Variants in MYO16 observed in about 807,000 individuals in gnomAD.
MYO16 encodes unconventional myosin-XVI.
A neutral mutation model predicts 205.3 loss-of-function variants in MYO16; 94 were observed. The ratio of observed to expected loss-of-function variants is 0.46; its 90% CI spans 0.39 to 0.54. MYO16 has a LOEUF of 0.54. Ranked by LOEUF, MYO16 falls within the 20% of genes least tolerant of loss-of-function variation. The pLI is 0.00. For missense variants in MYO16, 2,315 were observed against 2,387.5 expected, an observed-to-expected ratio of 0.97 and a Z score of 0.63; for synonymous variants, 988 against 954.0, an observed-to-expected ratio of 1.04 and a Z score of -0.66.
chr13:109,107,810 C>CATATTATATT (rs3042873), intron 28 of MYO16, among the ~76,000 whole-genome samples: 52,383 of 141,136 alleles, frequency 0.37, 10,010 homozygotes, highest in Middle Eastern at 0.44. Flanking sequence ...CATATATATT[C>CATATTATATT]ATATTATATT....
intron 31 of MYO16, among the ~76,000 whole-genome samples, chr13:109,131,609 G>A (rs899776228): frequency 6.6e-5 from 10 of 152,160 alleles, no homozygotes; most frequent in African/African-American, 2.4e-4. Context: ...GTGCCATGTT[G>A]CTGAGACAAC....
At chr13:108,991,381 G>T (rs74617624) in intron 20 of MYO16, among the ~76,000 whole-genome samples, 1 of 152,266 alleles carries the variant, frequency 6.6e-6, no homozygotes, top group South Asian at 2.1e-4. Flanking sequence ...TGAAAAAAAA[G>T]ATTGATTTCT....
chr13:109,082,354 G>C (rs1367164238), intron 27 of MYO16, among the ~76,000 whole-genome samples: 1 of 152,160 alleles, frequency 6.6e-6, no homozygotes, highest in Non-Finnish European at 1.5e-5. Context: ...TACGATGGTA[G>C]CTGAAGTTAA....
At chr13:109,202,369 A>T (rs1378073565) in intron 34 of MYO16, among the ~76,000 whole-genome samples, 2 of 151,888 alleles carry the variant, frequency 1.3e-5, no homozygotes, top group African/African-American at 4.8e-5. Flanking sequence ...AACATTTATT[A>T]TTTTCTGATT....
intron 3 of MYO16, among the ~76,000 whole-genome samples, chr13:108,718,211 A>G (rs1316021498): frequency 6.6e-6 from 1 of 152,148 alleles, no homozygotes; most frequent in Non-Finnish European, 1.5e-5. Context: ...CTAGAGAAAT[A>G]TCTTATTTTT....
At chr13:108,649,904 C>T (rs897116848) in intron 1 of MYO16, among the ~76,000 whole-genome samples, 13 of 151,974 alleles carry the variant, frequency 8.6e-5, no homozygotes, top group South Asian at 2.1e-4. Context: ...TAATAAAAAG[C>T]GGAATGAAAA....
chr13:108,959,648 G>A (rs1883506834), intron 17 of MYO16, among the ~76,000 whole-genome samples: 1 of 152,138 alleles, frequency 6.6e-6, no homozygotes. Flanking sequence ...GGTATTTCTG[G>A]GCCAGTGAAG....
At chr13:108,500,518 A>G in the MYO16 span, among the ~76,000 whole-genome samples, 31 of 151,664 alleles carry the variant, frequency 2.0e-4, no homozygotes, top group Admixed American at 5.3e-4. Context: ...ATGAGCCACC[A>G]CGCCCGGACT....
rs546865524 is a variant in MYO16, at chr13:108,651,373, C to T, written c.29-14513C>T. ...CTTCAGTTTTATTATTACCCTGAAA[C>T]GAACCCTAGAAAGAATTATGACTGT... On this transcript the variant is annotated intron_variant, in intron 1 of 34. Coordinates refer to ENST00000457511, the MANE Select transcript of MYO16 (RefSeq NM_001198950.3). Among the ~76,000 whole-genome samples, 431 of 152,256 alleles carry T rather than the reference C, an allele frequency of 2.8e-3. 1 individual carries two copies. Among genetic ancestry groups the T allele is most frequent in the Non-Finnish European group, 4.0e-3 (273 of 68,014 alleles).
the MYO16 span, among the ~76,000 whole-genome samples, chr13:108,533,094 C>T: frequency 2.7e-3 from 405 of 152,250 alleles, 3 homozygotes; most frequent in African/African-American, 9.0e-3. Context: ...AGCATGGTTA[C>T]TGGTGAAACT....
intron 32 of MYO16, among the ~76,000 whole-genome samples, chr13:109,159,057 T>C (rs1407869684): frequency 6.6e-6 from 1 of 152,222 alleles, no homozygotes; most frequent in Non-Finnish European, 1.5e-5. Context: ...CAATGTAAAG[T>C]ACAATTTTAA....
rs535520687 is a variant in MYO16 at position 108,961,674 on chromosome 13, T to C, written c.2155+18T>C. 1.7e-4 allele frequency: 267 copies of C among 1,576,700 alleles called. 3 individuals carry two copies. In the South Asian group the frequency reaches 2.8e-3, roughly 17 times the overall value. On this transcript the variant is annotated intron_variant, in intron 18 of 34. Transcript: ENST00000457511. The stretch of plus-strand genomic sequence containing the variant: ...GGAACAAGGTCAGTGGAACATGACC[T>C]TCTGACATTAACCACATTGATGTGC...
intron 4 of MYO16, among the ~76,000 whole-genome samples, chr13:108,743,103 T>C (rs1884958585): frequency 6.6e-6 from 1 of 152,232 alleles, no homozygotes; most frequent in Non-Finnish European, 1.5e-5. Context: ...TTTCAAACCA[T>C]AAGAAACAAA....
At chr13:108,740,335 G>A (rs1884863613) in intron 4 of MYO16, among the ~76,000 whole-genome samples, 1 of 152,148 alleles carries the variant, frequency 6.6e-6, no homozygotes, top group Non-Finnish European at 1.5e-5. Flanking sequence ...CTTTCTGTTT[G>A]CTAGTTTTCC....
intron 4 of MYO16, among the ~76,000 whole-genome samples, chr13:108,727,991 T>G (rs899628826): frequency 1.1e-4 from 16 of 152,194 alleles, no homozygotes; most frequent in African/African-American, 3.9e-4. Context: ...GTGTCTACAA[T>G]GTTTGTTTAC....
intron 9 of MYO16, among the ~76,000 whole-genome samples, chr13:108,837,499 A>G (rs1876991078): frequency 6.6e-6 from 1 of 152,198 alleles, no homozygotes; most frequent in Admixed American, 6.5e-5. Context: ...GATGCAGGTG[A>G]AAAGTTCTAT....
In MYO16 at chr13:108,972,351, CATATATATATATATATATATATAT is replaced by C. The variant is rs869041443; in HGVS notation, c.2369+7473_2369+7496del. 4.0e-3 allele frequency among the ~76,000 whole-genome samples: 70 copies of C among 17,456 alleles called. 15 individuals carry two copies. The highest frequency in any genetic ancestry group is 0.02 in the Admixed American group (16 of 800). 11.5% of individuals were successfully genotyped at this position (17,456 alleles called of 152,430 possible). On this transcript the variant is annotated intron_variant, in intron 20 of 34. Transcript: ENST00000457511. ...CCATCTATATATATATATATATAGC[CATATATATATATATATATATATAT>C]ATATATATATATATATATATATAGT... is the stretch of plus-strand genomic sequence containing the variant.
In MYO16 at chr13:109,055,257, A is replaced by T; in HGVS notation, c.3129+131A>T. 1.1e-6 allele frequency: 1 copy of T among 902,326 alleles called. No homozygotes were observed. Among genetic ancestry groups the T allele is most frequent in the East Asian group, 2.6e-5 (1 of 38,654 alleles). The allele number at this position is 902,326 out of a possible 1,614,324, so 55.9% of individuals were successfully genotyped here. On this transcript the variant is annotated intron_variant, in intron 26 of 34. Transcript: ENST00000457511. The surrounding 1 kb of genome is among the most constrained non-coding windows in gnomAD (Gnocchi z 5.0). ...AAAAAAAGTAAACATACACACACAC[A>T]CACACACACACACACACAGAGTAAA...
intron 1 of MYO16, among the ~76,000 whole-genome samples, chr13:108,599,824 C>T (rs901864692): frequency 6.6e-6 from 1 of 152,104 alleles, no homozygotes; most frequent in Non-Finnish European, 1.5e-5. Flanking sequence ...TGAGAGAGTT[C>T]GGACATGAAA....
Sources: allele counts gnomAD v4.1 joint callset (sites outside exome capture counted in the v4.1 genomes callset), GRCh38; gene constraint gnomAD v4.1.1; non-coding constraint Gnocchi (gnomAD v3.1); transcripts MANE v1.5; gene names NCBI Gene and HGNC (gene_info 2026-07-23, HGNC 2026-07-21).